The following PHACTR3 variants were observed in gnomAD, a reference collection of about 807,000 sequenced individuals.
PHACTR3 encodes protein phosphatase 1, regulatory subunit 123.
A neutral mutation model predicts 66.8 loss-of-function variants in PHACTR3; 16 were observed. The ratio of observed to expected loss-of-function variants is 0.24; its 90% CI spans 0.16 to 0.36. The LOEUF (loss-of-function observed/expected upper bound fraction) is 0.36. Among genes scored for constraint, PHACTR3 ranks in the 10% least tolerant of loss-of-function variants. The pLI is 1.00. For missense variants in PHACTR3, 647 were observed against 719.9 expected (o/e 0.90, Z 1.16); for synonymous variants, 323 against 292.1 (o/e 1.11, Z -1.08).
At position 59,774,312 on chromosome 20, in the gene PHACTR3, C is replaced by T. The variant is rs760921402; in HGVS notation, c.996C>T (p.Ser332=). 9 of 1,613,926 alleles carry T rather than the reference C, an allele frequency of 5.6e-6. No homozygotes were observed. Among genetic ancestry groups the T allele is most frequent in the East Asian group, 4.5e-5 (2 of 44,870 alleles). The change falls in exon 7 of 13, where the codon AGC becomes AGT. Residue 332 remains serine (S), a synonymous_variant. Transcript: ENST00000371015. ...ATGTCCGTCTGTCGAGAACGTCCAG[C>T]GTGGAGCGGGGCAAGGAGAGGGAGG... ...RLDVRLSRTS[S]VERGKEREEA...
intron 4 of PHACTR3, among the ~76,000 whole-genome samples, chr20:59,757,777 C>T (rs556872837): frequency 8.5e-5 from 13 of 152,300 alleles, no homozygotes; most frequent in African/African-American, 2.4e-4. Flanking sequence ...CATAGCATGA[C>T]GCCATCTCTA....
intron 8 of PHACTR3, among the ~76,000 whole-genome samples, chr20:59,831,521 A>G (rs887615205): frequency 2.0e-4 from 31 of 152,152 alleles, no homozygotes; most frequent in Non-Finnish European, 7.4e-5. Flanking sequence ...TCCAGGCGGC[A>G]CCAGGACGTC....
chr20:59,675,130 CCCCTCTCCCTCCCT>C (rs2036410879), intron 1 of PHACTR3, among the ~76,000 whole-genome samples: 2 of 82,768 alleles, frequency 2.4e-5, no homozygotes, highest in Non-Finnish European at 2.3e-5. Flanking sequence ...CCTCCACTTA[CCCCTCTCCCTCCCT>C]ATTCTTTTCC....
At chr20:59,729,003 G>T (rs546273183) in intron 1 of PHACTR3, among the ~76,000 whole-genome samples, 48 of 152,140 alleles carry the variant, frequency 3.2e-4, no homozygotes, top group Non-Finnish European at 6.8e-4. Flanking sequence ...CCCTTGAGGG[G>T]CTGCTTACTA....
chr20:59,580,848 G>A (rs923443199), intron 1 of PHACTR3, among the ~76,000 whole-genome samples: 15 of 152,186 alleles, frequency 9.9e-5, no homozygotes, highest in Admixed American at 2.0e-4. Context: ...GGTAGCAAGT[G>A]ACTGAAATGG....
chr20:59,602,758 G>A (rs971789317), upstream of PHACTR3, among the ~76,000 whole-genome samples: 5 of 152,174 alleles, frequency 3.3e-5, no homozygotes, highest in South Asian at 8.3e-4. Context: ...ACCCAGACTC[G>A]GAAGGGGCCC....
intron 8 of PHACTR3, among the ~76,000 whole-genome samples, chr20:59,806,410 C>T (rs938789758): frequency 3.3e-5 from 5 of 152,236 alleles, no homozygotes; most frequent in African/African-American, 7.2e-5. Flanking sequence ...GCGGCATTCT[C>T]GGCCTCTACA....
intron 1 of PHACTR3, among the ~76,000 whole-genome samples, chr20:59,661,233 G>T (rs1384546715): frequency 6.6e-6 from 1 of 152,144 alleles, no homozygotes; most frequent in Non-Finnish European, 1.5e-5. Flanking sequence ...TTTCCTGCTG[G>T]ACTGGGCTGC....
chr20:59,792,278 T>C (rs1476014602), intron 7 of PHACTR3, among the ~76,000 whole-genome samples: 1 of 152,268 alleles, frequency 6.6e-6, no homozygotes, highest in Non-Finnish European at 1.5e-5. Flanking sequence ...GATCAGCATT[T>C]GTGTACAAGT....
chr20:59,741,400 A>G (rs544653587), intron 1 of PHACTR3, among the ~76,000 whole-genome samples: 1 of 152,214 alleles, frequency 6.6e-6, no homozygotes, highest in East Asian at 1.9e-4. Context: ...TTCCTCCCCC[A>G]GCGACACTGG....
At chr20:59,634,948 A>G (rs2034796058) in intron 1 of PHACTR3, among the ~76,000 whole-genome samples, 1 of 152,064 alleles carries the variant, frequency 6.6e-6, no homozygotes, top group Non-Finnish European at 1.5e-5. Context: ...GTGACACCAC[A>G]CCGGCTCAGA....
intron 1 of PHACTR3, among the ~76,000 whole-genome samples, chr20:59,677,789 A>G (rs1267815570): frequency 6.6e-6 from 1 of 152,226 alleles, no homozygotes; most frequent in Non-Finnish European, 1.5e-5. Flanking sequence ...ATGTGCGTGT[A>G]TAATGATGGT....
At chr20:59,673,064 A>T (rs770622776) in intron 1 of PHACTR3, among the ~76,000 whole-genome samples, 6 of 152,122 alleles carry the variant, frequency 3.9e-5, no homozygotes, top group Non-Finnish European at 8.8e-5. Flanking sequence ...AGGGTACCTC[A>T]TCTCCCTCAG....
intron 1 of PHACTR3, among the ~76,000 whole-genome samples, chr20:59,716,899 A>G (rs2146665055): frequency 6.6e-6 from 1 of 152,270 alleles, no homozygotes; most frequent in African/African-American, 2.4e-5. Flanking sequence ...ATTAATAGGC[A>G]AAAAACGCAA....
chr20:59,673,455 C>T (rs73140876), intron 1 of PHACTR3, among the ~76,000 whole-genome samples: 18,550 of 152,222 alleles, frequency 0.12, 1,432 homozygotes, highest in Non-Finnish European at 0.17. Context: ...TTCGCCCCGC[C>T]CAGGTCAGCA....
chr20:59,838,516 C>T lies in PHACTR3; in HGVS notation c.1385-1853C>T, dbSNP rs117242734. 7.0e-3 allele frequency among the ~76,000 whole-genome samples: 1,071 copies of T among 152,278 alleles called. 8 individuals carry two copies. The highest frequency in any genetic ancestry group is 0.012 in the Non-Finnish European group (791 of 68,026). ...ATGGTGATGGTAATTCTTTATTAGG[C>T]CCAATCTGTGCCAGGGACTATATTC... On this transcript the variant is annotated intron_variant, in intron 9 of 12. Coordinates refer to ENST00000371015, the MANE Select transcript of PHACTR3 (RefSeq NM_080672.5).
chr20:59,664,011 A>T (rs1601037825), intron 1 of PHACTR3, among the ~76,000 whole-genome samples: 1 of 152,330 alleles, frequency 6.6e-6, no homozygotes, highest in South Asian at 2.1e-4. Flanking sequence ...TAATTTATTG[A>T]CAACTGCTTG....
intron 8 of PHACTR3, among the ~76,000 whole-genome samples, chr20:59,828,220 T>C (rs957331753): frequency 6.7e-6 from 1 of 150,160 alleles, no homozygotes; most frequent in Non-Finnish European, 1.5e-5. Flanking sequence ...CAGAAACCTC[T>C]CCCACAGATT....
At chr20:59,754,279 C>T (rs557088555) in intron 3 of PHACTR3, among the ~76,000 whole-genome samples, 11 of 152,324 alleles carry the variant, frequency 7.2e-5, no homozygotes, top group East Asian at 1.9e-4. Flanking sequence ...CTGCAGCAGC[C>T]GAGCTTCAAG....
Sources: gnomAD v4.1 joint callset for allele counts (sites outside exome capture counted in the v4.1 genomes callset) on GRCh38, gnomAD v4.1.1 for gene constraint, MANE v1.5 for transcripts, NCBI Gene and HGNC (gene_info 2026-07-23, HGNC 2026-07-21) for gene names.